The following DPP6 variants were observed in gnomAD, a reference collection of about 807,000 sequenced individuals.
DPP6 encodes A-type potassium channel modulatory protein DPP6.
A neutral mutation model predicts 122.6 loss-of-function variants in DPP6; 69 were observed. The observed-to-expected ratio is 0.56, with a 90% CI of 0.46 to 0.69. DPP6 has a LOEUF of 0.69. Among genes scored for constraint, DPP6 ranks in the 30% least tolerant of loss-of-function variants. The pLI is 0.00. For missense variants in DPP6, 928 were observed against 1,116.9 expected (o/e 0.83, Z 2.41); for synonymous variants, 418 against 433.1 (o/e 0.97, Z 0.43).
chr7:154,326,838 G>T (rs1808487344), intron 1 of DPP6, among the ~76,000 whole-genome samples: 1 of 152,176 alleles, frequency 6.6e-6, no homozygotes, highest in South Asian at 2.1e-4. Context: ...AGGAATTCCT[G>T]TTCAATGATT....
chr7:154,610,355 G>A (rs2130803641), intron 5 of DPP6, among the ~76,000 whole-genome samples: 1 of 152,242 alleles, frequency 6.6e-6, no homozygotes, highest in East Asian at 1.9e-4. Flanking sequence ...TCGATGGGGA[G>A]GCATTTCAGG....
rs1021264475 is a variant in DPP6, at chr7:154,483,137, T to C, written c.457+8100T>C. Reference sequence around the variant, plus strand: ...CACGGAGGTGTCTGAGGAAGTGTGGTCAGGGAGGCAGGAGGAGAACTTCTA... The same window carrying C: ...CACGGAGGTGTCTGAGGAAGTGTGGCCAGGGAGGCAGGAGGAGAACTTCTA... On this transcript the variant is annotated intron_variant, in intron 3 of 25. Transcript: ENST00000377770. This position sits in a 1 kb window ranked among gnomAD's most constrained non-coding sequence, Gnocchi z 8.1. Among the ~76,000 whole-genome samples the C allele has an allele frequency of 6.6e-6, 1 of 151,868 alleles. No homozygotes were observed. The highest frequency in any genetic ancestry group is 1.5e-5 in the Non-Finnish European group (1 of 67,958).
intron 4 of DPP6, among the ~76,000 whole-genome samples, chr7:154,541,612 C>A (rs777452223): frequency 1.3e-5 from 2 of 152,138 alleles, no homozygotes; most frequent in African/African-American, 4.8e-5. Context: ...GCAGTTGATT[C>A]TTTTCTTGTT....
chr7:154,100,158 A>G (rs554208459), intron 1 of DPP6, among the ~76,000 whole-genome samples: 2 of 111,166 alleles, frequency 1.8e-5, no homozygotes, highest in South Asian at 3.2e-4. Context: ...TTAGATTATA[A>G]TAGAGCAAAA....
At chr7:154,275,063 C>T (rs1804040545) in intron 1 of DPP6, among the ~76,000 whole-genome samples, 1 of 152,268 alleles carries the variant, frequency 6.6e-6, no homozygotes, top group African/African-American at 2.4e-5. Context: ...CAGGGCAGCA[C>T]CTGTGTCCTT....
At chr7:153,814,485 G>C in the DPP6 span, among the ~76,000 whole-genome samples, 15 of 152,144 alleles carry the variant, frequency 9.9e-5, no homozygotes, top group Admixed American at 9.8e-4. Flanking sequence ...CAACCAAAAA[G>C]AGTCCAGGAC....
intron 1 of DPP6, among the ~76,000 whole-genome samples, chr7:154,008,997 C>T (rs1798044692): frequency 7.5e-6 from 1 of 134,000 alleles, no homozygotes; most frequent in Non-Finnish European, 1.6e-5. Flanking sequence ...AAGAGTTCTT[C>T]TGCATGTTAG....
At chr7:154,670,553 A>AT (rs935950349) in intron 7 of DPP6, among the ~76,000 whole-genome samples, 1 of 152,146 alleles carries the variant, frequency 6.6e-6, no homozygotes, top group Non-Finnish European at 1.5e-5. Flanking sequence ...TCTGGGTAAC[A>AT]TTTTTTTAAG....
At chr7:154,356,914 T>G (rs1422720593) in intron 1 of DPP6, among the ~76,000 whole-genome samples, 1 of 152,204 alleles carries the variant, frequency 6.6e-6, no homozygotes, top group Non-Finnish European at 1.5e-5. Flanking sequence ...TGACACTACT[T>G]AATTAGCAGC....
intron 1 of DPP6, among the ~76,000 whole-genome samples, chr7:154,320,536 T>G (rs764856621): frequency 6.6e-6 from 1 of 152,020 alleles, no homozygotes; most frequent in African/African-American, 2.4e-5. Context: ...CAGGTCGGAG[T>G]GCAGCAGTGC....
At chr7:154,281,372 A>T (rs6967505) in intron 1 of DPP6, among the ~76,000 whole-genome samples, 2 of 151,998 alleles carry the variant, frequency 1.3e-5, no homozygotes, top group South Asian at 2.1e-4. Context: ...TGCATCCTCT[A>T]CAAGGCCCAG....
intron 7 of DPP6, among the ~76,000 whole-genome samples, chr7:154,675,321 C>T (rs1356768770): frequency 2.0e-5 from 3 of 151,926 alleles, no homozygotes; most frequent in East Asian, 1.9e-4. Flanking sequence ...CAAACCTACA[C>T]GTTGTGAACA....
In DPP6 at chr7:153,971,415, T is replaced by G. The variant is rs181225851; in HGVS notation, c.51+83681T>G. On this transcript the variant is annotated intron_variant, in intron 1 of 25. Transcript: ENST00000404039. Reference sequence around the variant, plus strand: ...ACTAATTTCTGATTTTTACTGCTTTTATTTCCTTTTCCTACCTTGTTACAC... The same window carrying G: ...ACTAATTTCTGATTTTTACTGCTTTGATTTCCTTTTCCTACCTTGTTACAC... 2.3e-3 allele frequency among the ~76,000 whole-genome samples: 341 copies of G among 150,484 alleles called. 3 individuals are homozygous for G. Among genetic ancestry groups the G allele is most frequent in the African/African-American group, 7.9e-3 (326 of 41,058 alleles).
At position 154,263,849 on chromosome 7, in the gene DPP6, C is replaced by G. The variant is rs368439559; in HGVS notation, c.244-182365C>G. 3.3e-5 allele frequency among the ~76,000 whole-genome samples: 5 copies of G among 152,116 alleles called. No homozygotes were observed. In the East Asian group the frequency reaches 9.7e-4, roughly 29 times the overall value. On this transcript the variant is annotated intron_variant, in intron 1 of 25. Transcript: ENST00000377770. ...GGGATTACAGGTGCCCACTACCACA[C>G]ACGGCTAATTTTTGTATTTTTAGTA...
intron 1 of DPP6, among the ~76,000 whole-genome samples, chr7:154,380,228 G>A (rs944052381): frequency 6.6e-6 from 1 of 152,200 alleles, no homozygotes; most frequent in Admixed American, 6.5e-5. Flanking sequence ...TGGTAAAAGA[G>A]GGGTAAGAGT....
intron 5 of DPP6, among the ~76,000 whole-genome samples, chr7:154,634,298 G>T (rs1406364724): frequency 6.6e-6 from 1 of 151,432 alleles, no homozygotes; most frequent in Non-Finnish European, 1.5e-5. Flanking sequence ...TGCTGAGAAT[G>T]ATGGTTTCCA....
At chr7:154,804,695 C>T (rs972615494) in intron 14 of DPP6, among the ~76,000 whole-genome samples, 11 of 152,216 alleles carry the variant, frequency 7.2e-5, no homozygotes, top group Non-Finnish European at 1.6e-4. Flanking sequence ...GTGCAGGGGG[C>T]ACCCGGAGCC....
chr7:154,071,945 A>G (rs1803147918), intron 1 of DPP6, among the ~76,000 whole-genome samples: 1 of 152,198 alleles, frequency 6.6e-6, no homozygotes, highest in Admixed American at 6.5e-5. Flanking sequence ...TTAAGCAAAC[A>G]AATACAATCC....
chr7:154,779,089 C>T (rs114050991), intron 10 of DPP6, among the ~76,000 whole-genome samples: 37 of 2,684 alleles, frequency 0.014, no homozygotes, highest in Non-Finnish European at 0.021. Flanking sequence ...CCTCCACAAC[C>T]TCTACCACCA....
Sources: allele counts gnomAD v4.1 joint callset (sites outside exome capture counted in the v4.1 genomes callset), GRCh38; gene constraint gnomAD v4.1.1; non-coding constraint Gnocchi (gnomAD v3.1); transcripts MANE v1.5; gene names NCBI Gene and HGNC (gene_info 2026-07-23, HGNC 2026-07-21).